Variants in ADAM28 observed in about 807,000 individuals in gnomAD.
ADAM28 encodes ADAM metallopeptidase domain 28, also known as disintegrin and metalloproteinase domain-containing protein 28.
A neutral mutation model predicts 101.2 loss-of-function variants in ADAM28; 105 were observed. The ratio of observed to expected loss-of-function variants is 1.04; its 90% confidence interval spans 0.89 to 1.22. ADAM28 has a LOEUF of 1.22. ADAM28 is among the 50% of genes most tolerant of loss of function. The pLI is 0.00. For missense variants in ADAM28, 1,028 were observed against 945.4 expected, an observed-to-expected ratio of 1.09 and a Z score of -1.15; for synonymous variants, 322 against 310.6, an observed-to-expected ratio of 1.04 and a Z score of -0.39.
chr8:24,350,104 C>CT (rs1303302023), intron 19 of ADAM28, 132 bp downstream of exon 19: 22 of 709,182 alleles, frequency 3.1e-5, no homozygotes, highest in Non-Finnish European at 4.5e-5. Flanking sequence ...TGCAGATGGT[C>CT]TTTTTGGACG....
At chr8:24,330,834 A>G (rs2278466) in intron 11 of ADAM28, among the ~76,000 whole-genome samples, 29,453 of 152,134 alleles carry the variant, frequency 0.19, 3,120 homozygotes, top group East Asian at 0.35. Flanking sequence ...ATTCTGAGAC[A>G]TGTAAATAAA....
intron 12 of ADAM28, 80 bp from the exon 13 acceptor site, chr8:24,332,580 G>A (rs551896860): frequency 6.0e-6 from 4 of 671,112 alleles, no homozygotes; most frequent in Non-Finnish European, 7.0e-6. Flanking sequence ...TATGCCTGAT[G>A]AATATAGTAT....
chr8:24,328,150 A>G (rs149247355), intron 10 of ADAM28, among the ~76,000 whole-genome samples: 155 of 152,078 alleles, frequency 1.0e-3, no homozygotes, highest in African/African-American at 3.5e-3. Context: ...TATCTAGTAT[A>G]TATTTTTTCC....
chr8:24,335,808 T>C, intron 14 of ADAM28, 167 bp downstream of exon 14: 3 of 1,281,440 alleles, frequency 2.3e-6, no homozygotes, highest in Non-Finnish European at 3.0e-6. Context: ...GGTTGCTAGA[T>C]TTAGCAAGTA....
chr8:24,299,798 G>A, intron 1 of ADAM28, 176 bp from the exon 2 acceptor site: 2 of 488,500 alleles, frequency 4.1e-6, no homozygotes, highest in Non-Finnish European at 7.3e-6. Context: ...AGAGGAAAGA[G>A]TAGCTTTCTG....
intron 18 of ADAM28, among the ~76,000 whole-genome samples, 180 bp from the exon 19 acceptor site, chr8:24,349,684 T>G (rs1156230783): frequency 1.3e-5 from 2 of 152,192 alleles, no homozygotes; most frequent in Admixed American, 6.5e-5. Flanking sequence ...GTATTTATTC[T>G]ACCTAATATT....
In ADAM28 at chr8:24,330,003, C is replaced by G; in HGVS notation, c.991C>G (p.Leu331Val). The change falls in exon 11 of 23, where the codon CTT (leucine) becomes GTT (valine). Residue 331 changes from leucine to valine, a missense_variant. Coordinates refer to ENST00000265769, the MANE Select transcript of ADAM28 (RefSeq NM_014265.6). ...GVVQDHSDNL[L>V]RVAGTMAHEM... Reference sequence around the variant, plus strand: ...CCTTTAGGACCACAGCGATAATCTTCTTAGAGTTGCAGGGACAATGGCACA... The same window carrying G: ...CCTTTAGGACCACAGCGATAATCTTGTTAGAGTTGCAGGGACAATGGCACA... 1 of 1,613,038 alleles carries G rather than the reference C, an allele frequency of 6.2e-7. No homozygotes were observed. The highest frequency in any genetic ancestry group is 8.5e-7 in the Non-Finnish European group (1 of 1,179,462).
intron 2 of ADAM28, among the ~76,000 whole-genome samples, chr8:24,308,009 C>T (rs1394074910): frequency 6.6e-6 from 1 of 152,178 alleles, no homozygotes; most frequent in African/African-American, 2.4e-5. Flanking sequence ...ATCCCCTAGA[C>T]CTTACAGATT....
chr8:24,313,071 G>C (rs182523247), intron 5 of ADAM28, among the ~76,000 whole-genome samples: 1 of 152,212 alleles, frequency 6.6e-6, no homozygotes, highest in East Asian at 1.9e-4. Context: ...TTTAGAACAA[G>C]TATAGCATTA....
intron 13 of ADAM28, 63 bp downstream of exon 13, chr8:24,332,812 G>T: frequency 1.1e-6 from 1 of 884,980 alleles, no homozygotes; most frequent in Non-Finnish European, 1.6e-6. Flanking sequence ...ACATCTCAGT[G>T]ATTATGTTAA....
intron 9 of ADAM28, among the ~76,000 whole-genome samples, chr8:24,325,871 CAAAAAAAAAAAAA>C (rs5890146): frequency 3.9e-4 from 8 of 20,416 alleles, no homozygotes; most frequent in South Asian, 6.3e-3. Context: ...GTACAGATAG[CAAAAAAAAAAAAA>C]AAAAAAAAAA....
In ADAM28 at chr8:24,357,662, G is replaced by C. The variant is rs970992304; in HGVS notation, c.*3258G>C. 19 of 152,212 alleles carry C rather than the reference G, an allele frequency of 1.2e-4. No individual in the cohort carries two copies. Among genetic ancestry groups the C allele is most frequent in the African/African-American group, 4.1e-4 (17 of 41,546 alleles). 9.4% of individuals were successfully genotyped at this position (152,212 alleles called of 1,614,324 possible). A position where few individuals can be genotyped will look rare whatever the true frequency, so the allele number is the denominator to read the frequency against. ...ATAGCAATTAAAAAAATGAGATTTG[G>C]GGGGATGGACACAGAGCCAAACCAT... On this transcript the variant is annotated 3_prime_UTR_variant, in exon 23 of 23. Coordinates refer to ENST00000265769, the MANE Select transcript of ADAM28 (RefSeq NM_014265.6).
At chr8:24,325,889 A>AAAAAAAAAC (rs1812526562) in intron 9 of ADAM28, among the ~76,000 whole-genome samples, 1 of 141,924 alleles carries the variant, frequency 7.0e-6, no homozygotes, top group Admixed American at 7.0e-5. Flanking sequence ...AAAAAAAAAA[A>AAAAAAAAAC]AAAAAAAAAA....
At chr8:24,311,980 C>G (rs1371514847) in intron 5 of ADAM28, among the ~76,000 whole-genome samples, 1 of 152,072 alleles carries the variant, frequency 6.6e-6, no homozygotes, top group Non-Finnish European at 1.5e-5. Flanking sequence ...CTCAAGTAGT[C>G]TGCCCGCCTC....
chr8:24,311,238 C>G (rs1810413766), intron 4 of ADAM28, 123 bp from the exon 5 acceptor site: 7 of 632,936 alleles, frequency 1.1e-5, no homozygotes, highest in Non-Finnish European at 1.6e-5. Context: ...TCTTAGTTTA[C>G]TGTTGTACAG....
At position 24,321,222 on chromosome 8, in the gene ADAM28, A is replaced by G; in HGVS notation, c.653A>G (p.Lys218Arg). 3.8e-6 allele frequency: 6 copies of G among 1,598,488 alleles called. No homozygotes were observed. Among genetic ancestry groups the G allele is most frequent in the Non-Finnish European group, 5.1e-6 (6 of 1,166,806 alleles). ...YYLVLDNGEF[K>R]RYNENQDEIR... is the part of the protein sequence containing the mutation. The stretch of plus-strand genomic sequence containing the variant: ...CTTTCTTAATTTTTCTTTTAGTTTA[A>G]AAGGTACAATGAGAATCAAGATGAG... Residue 218 changes from lysine to arginine, a missense_variant, in exon 8 of 23, where the codon AAA (lysine) becomes AGA (arginine). Physicochemically the swap from Lys to Arg is conservative, Grantham distance 26 (BLOSUM62 2). Transcript: ENST00000265769.
chr8:24,331,147 C>T lies in ADAM28; in HGVS notation c.1104-3C>T, dbSNP rs1314992944. 6.2e-7 allele frequency: 1 copy of T among 1,602,476 alleles called. No individual in the cohort carries two copies. Among genetic ancestry groups the T allele is most frequent in the Non-Finnish European group, 8.5e-7 (1 of 1,175,658 alleles). On this transcript the variant is annotated splice_region_variant and splice_polypyrimidine_tract_variant and intron_variant, in intron 11 of 22. Coordinates refer to ENST00000265769, the MANE Select transcript of ADAM28 (RefSeq NM_014265.6). ...TCCAGTTTTTCTTTCCTTATCTTCA[C>T]AGCTTCTATATACCCACAGACTTCA...
chr8:24,355,553 T>G lies in ADAM28; in HGVS notation c.*1149T>G, dbSNP rs1004808183. On this transcript the variant is annotated 3_prime_UTR_variant, in exon 23 of 23. Transcript: ENST00000265769. Reference sequence around the variant, plus strand: ...TGCTAGTAAGACGACAGAGGAATTATGTTACAACACTTCTGGAAAATTTTT... The same window carrying G: ...TGCTAGTAAGACGACAGAGGAATTAGGTTACAACACTTCTGGAAAATTTTT... 2.0e-5 allele frequency: 3 copies of G among 151,912 alleles called. No individual in the cohort carries two copies. Among genetic ancestry groups the G allele is most frequent in the Non-Finnish European group, 4.4e-5 (3 of 67,956 alleles). 9.4% of individuals were successfully genotyped at this position (151,912 alleles called of 1,614,324 possible). A position where few individuals can be genotyped will look rare whatever the true frequency, so the allele number is the denominator to read the frequency against.
intron 16 of ADAM28, 131 bp from the exon 17 acceptor site, chr8:24,342,970 T>C: frequency 1.4e-6 from 2 of 1,472,568 alleles, no homozygotes; most frequent in South Asian, 1.4e-5. Flanking sequence ...CCGTCTCTGT[T>C]TCCCTTCTTC....
Sources: allele counts gnomAD v4.1 joint callset (sites outside exome capture counted in the v4.1 genomes callset), GRCh38; gene constraint gnomAD v4.1.1; transcripts MANE v1.5; gene names NCBI Gene and HGNC (gene_info 2026-07-23, HGNC 2026-07-21).